Variants in SEC16A observed in about 807,000 individuals in gnomAD.
SEC16A encodes SEC16 homolog A, endoplasmic reticulum export factor.
A neutral mutation model predicts 221.9 loss-of-function variants in SEC16A; 110 were observed. The observed-to-expected ratio is 0.50, with a 90% CI of 0.42 to 0.58. SEC16A has a LOEUF of 0.58. SEC16A is among the 20% of genes least tolerant of loss of function. The pLI is 0.00. For synonymous variants in SEC16A, 1,393 were observed against 1,257.7 expected, an observed-to-expected ratio of 1.11 and a Z score of -2.28; for missense variants, 3,165 against 3,097.8, an observed-to-expected ratio of 1.02 and a Z score of -0.52.
rs772187659 is a variant in SEC16A, at chr9:136,475,612, G to A, written c.2004C>T (p.Thr668=). 20 of 1,613,550 alleles carry A rather than the reference G, an allele frequency of 1.2e-5. No individual in the cohort carries two copies. The highest frequency in any genetic ancestry group is 5.0e-5 in the Admixed American group (3 of 59,976). Reference sequence around the variant, plus strand: ...GGGGACAGACCTGGGGTGCACAGAGGGTCTCCATGTTGTCTGGTGGCTGCT... The same window carrying A: ...GGGGACAGACCTGGGGTGCACAGAGAGTCTCCATGTTGTCTGGTGGCTGCT... ...NLEQPPDNME[T]LCAPQVCPLP... is the part of the protein sequence containing the mutation. Residue 668 remains threonine, a synonymous_variant, in exon 3 of 32, where the codon ACC becomes ACT. Coordinates refer to ENST00000684901, the MANE Select transcript of SEC16A (RefSeq NM_014866.2). This position sits in a 1 kb window ranked among gnomAD's most constrained non-coding sequence, Gnocchi z 5.0.
intron 22 of SEC16A, among the ~76,000 whole-genome samples, chr9:136,452,324 G>A (rs535994039): frequency 2.4e-4 from 37 of 151,286 alleles, no homozygotes; most frequent in Middle Eastern, 3.4e-3. Flanking sequence ...GGTGGTGGGC[G>A]CCTGTAGTCC....
In SEC16A at chr9:136,475,139, G is replaced by A. The variant is rs1264167795; in HGVS notation, c.2477C>T (p.Pro826Leu). The A allele has an allele frequency of 6.2e-7, 1 of 1,613,830 alleles. No individual in the cohort carries two copies. The highest frequency in any genetic ancestry group is 1.7e-5 in the Admixed American group (1 of 59,996). ...ATCAGGCTGAGCAATCAAGACTGGA[G>A]GATTCTGCAGAGACTCAGTGGGCGG... Reference protein sequence around the residue: ...SSPPTESLQNPPVLIAQPDHS... With the variant: ...SSPPTESLQNLPVLIAQPDHS... The change falls in exon 3 of 32, where the codon CCT becomes CTT. Residue 826 changes from proline (P) to leucine (L), a missense_variant. By Grantham distance (98) the Pro-to-Leu change is moderately conservative. Transcript: ENST00000684901. The surrounding 1 kb of genome is among the most constrained non-coding windows in gnomAD (Gnocchi z 5.0).
chr9:136,475,354 C>A lies in SEC16A; in HGVS notation c.2262G>T (p.Gln754His). 1.2e-6 allele frequency: 2 copies of A among 1,609,570 alleles called. No individual in the cohort carries two copies. Among genetic ancestry groups the A allele is most frequent in the Non-Finnish European group, 8.5e-7 (1 of 1,176,922 alleles). ...CTTCTGGAGGCTGAACAACAGGTGG[C>A]TGAGGTTTTGCACACACATAAAGCG... is the stretch of plus-strand genomic sequence containing the variant. Reference protein sequence around the residue: ...APALYVCAKPQPPVVQPPEEA... With the variant: ...APALYVCAKPHPPVVQPPEEA... Residue 754 changes from glutamine to histidine, a missense_variant, in exon 3 of 32, where the codon CAG becomes CAT. Transcript: ENST00000684901. The surrounding 1 kb of genome is among the most constrained non-coding windows in gnomAD (Gnocchi z 5.0).
In SEC16A at chr9:136,448,332, G is replaced by A. The variant is rs143514586; in HGVS notation, c.6313-171C>T. The A allele has an allele frequency of 5.9e-3, 4,219 of 720,060 alleles. 150 individuals carry two copies. In the African/African-American group the frequency reaches 0.064, roughly 11 times the overall value. 44.6% of individuals were successfully genotyped at this position (720,060 alleles called of 1,614,324 possible). On this transcript the variant is annotated intron_variant, in intron 23 of 31. Transcript: ENST00000684901. Reference sequence around the variant, plus strand: ...AGCAGATCCACAGAGACACCAGGAGGATGGAGGTGGGGAGCAGATCCACAG... The same window carrying A: ...AGCAGATCCACAGAGACACCAGGAGAATGGAGGTGGGGAGCAGATCCACAG...
Position 136,463,129 on chromosome 9 carries a change from C to A in SEC16A, c.4651G>T (p.Val1551Leu). ...IVLLCRQNGT[V>L]VGTDIAELLL... is the part of the protein sequence containing the mutation. ...AGCTCCGCAATGTCGGTCCCTACCA[C>A]GGTCTGTTTGGGTCAACAGGAACAG... The change falls in exon 12 of 32, where the codon GTG (valine) becomes TTG (leucine). Residue 1551 changes from valine (V) to leucine (L), a missense_variant. Transcript: ENST00000684901. 6.2e-7 allele frequency: 1 copy of A among 1,609,286 alleles called. No homozygotes were observed. The highest frequency in any genetic ancestry group is 1.1e-5 in the South Asian group (1 of 91,086).
chr9:136,459,325 G>T lies in SEC16A; in HGVS notation c.5304-86C>A. The stretch of plus-strand genomic sequence containing the variant: ...CTTGGAGCAAATCATCCAGAAGTGT[G>T]TCCCACCACGTGACAAATAAAGACA... On this transcript the variant is annotated intron_variant, in intron 16 of 31. Coordinates refer to ENST00000684901, the MANE Select transcript of SEC16A (RefSeq NM_014866.2). This position sits in a 1 kb window ranked among gnomAD's most constrained non-coding sequence, Gnocchi z 6.1. The T allele has an allele frequency of 7.1e-7, 1 of 1,417,902 alleles. No individual in the cohort carries two copies. Among genetic ancestry groups the T allele is most frequent in the South Asian group, 1.2e-5 (1 of 82,272 alleles). 87.8% of individuals were successfully genotyped at this position (1,417,902 alleles called of 1,614,324 possible). A position where few individuals can be genotyped will look rare whatever the true frequency, so the allele number is the denominator to read the frequency against.
chr9:136,441,862 C>T, intron 31 of SEC16A, 39 bp from the exon 32 acceptor site: 2 of 1,575,098 alleles, frequency 1.3e-6, no homozygotes, highest in Non-Finnish European at 8.7e-7. Flanking sequence ...GCATGCCTGC[C>T]CCCAGGGTGA....
intron 4 of SEC16A, among the ~76,000 whole-genome samples, chr9:136,470,571 G>T (rs1840724625): frequency 6.6e-6 from 1 of 152,158 alleles, no homozygotes; most frequent in Non-Finnish European, 1.5e-5. Context: ...TCAAATCCTG[G>T]GAATTTTCTC....
In SEC16A at chr9:136,459,697, C is replaced by A. The variant is rs1313527809; in HGVS notation, c.5191+60G>T. On this transcript the variant is annotated intron_variant, in intron 15 of 31. Coordinates refer to ENST00000684901, the MANE Select transcript of SEC16A (RefSeq NM_014866.2). The surrounding 1 kb of genome is among the most constrained non-coding windows in gnomAD (Gnocchi z 6.1). The stretch of plus-strand genomic sequence containing the variant: ...TGGTGATTTCTGCCAACGCCACAGA[C>A]AACCGGGCCTTCGGCGCTCCATCCG... 2.8e-6 allele frequency: 4 copies of A among 1,452,202 alleles called. No homozygotes were observed. Among genetic ancestry groups the A allele is most frequent in the Non-Finnish European group, 3.8e-6 (4 of 1,058,060 alleles). 90.0% of individuals were successfully genotyped at this position (1,452,202 alleles called of 1,614,324 possible). A position where few individuals can be genotyped will look rare whatever the true frequency, so the allele number is the denominator to read the frequency against.
At position 136,477,672 on chromosome 9, in the gene SEC16A, T is replaced by C. The variant is rs1841828127; in HGVS notation, c.-57A>G. 1 of 1,492,782 alleles carries C rather than the reference T, an allele frequency of 6.7e-7. No individual in the cohort carries two copies. Among genetic ancestry groups the C allele is most frequent in the Admixed American group, 2.5e-5 (1 of 40,790 alleles). The allele number at this position is 1,492,782 out of a possible 1,614,324, so 92.5% of individuals were successfully genotyped here. ...ACAGAAGGAAGCAGGATATAGCTGT[T>C]CCTTAATTGGAGCTGGAAAAGAAAA... On this transcript the variant is annotated 5_prime_UTR_variant, in exon 3 of 32. Transcript: ENST00000684901.
chr9:136,463,241 ACCCGAAAGGCTG>A (rs1369493981), intron 11 of SEC16A, 109 bp from the exon 12 acceptor site: 15 of 1,465,638 alleles, frequency 1.0e-5, no homozygotes, highest in Non-Finnish European at 1.3e-5. Flanking sequence ...ACCCACAACT[ACCCGAAAGGCTG>A]GCAAGGCTGG....
chr9:136,458,115 C>T (rs572642007), intron 17 of SEC16A, among the ~76,000 whole-genome samples: 1 of 151,706 alleles, frequency 6.6e-6, no homozygotes, highest in African/African-American at 2.4e-5. Context: ...GCTGCCACGC[C>T]TGGCTAATTT....
In SEC16A at chr9:136,472,052, G is replaced by A. The variant is rs924126338; in HGVS notation, c.3627C>T (p.Tyr1209=). The A allele has an allele frequency of 1.7e-5, 27 of 1,613,306 alleles. 1 individual carries two copies. The African/African-American group carries it at 2.3e-4, about 14-fold the overall frequency. ...YRPYDGAASA[Y]AQNYRYPEPE... is the part of the protein sequence containing the mutation. The stretch of plus-strand genomic sequence containing the variant: ...GCTCGGGATAGCGGTAGTTCTGGGC[G>A]TAAGCAGACGCAGCACCATCATAGG... The change falls in exon 4 of 32, where the codon TAC becomes TAT. Residue 1209 remains tyrosine (Y), a synonymous_variant. Transcript: ENST00000684901.
At position 136,466,659 on chromosome 9, in the gene SEC16A, T is replaced by C. The variant is rs996799758; in HGVS notation, c.3930-197A>G. 6.6e-6 allele frequency among the ~76,000 whole-genome samples: 1 copy of C among 152,182 alleles called. No homozygotes were observed. The highest frequency in any genetic ancestry group is 2.4e-5 in the African/African-American group (1 of 41,438). On this transcript the variant is annotated intron_variant, in intron 6 of 31. Coordinates refer to ENST00000684901, the MANE Select transcript of SEC16A (RefSeq NM_014866.2). This position sits in a 1 kb window ranked among gnomAD's most constrained non-coding sequence, Gnocchi z 5.5. ...TGCGTCTCCAGTGTGGTCACTTCTC[T>C]GGGCTGCAGGGCGCGACCGGTAAGA...
Position 136,456,075 on chromosome 9 carries a change from T to C in SEC16A, c.5642A>G (p.Gln1881Arg), listed in dbSNP as rs771381458. The change falls in exon 19 of 32, where the codon CAG (glutamine) becomes CGG (arginine). Residue 1881 changes from glutamine (Q) to arginine (R), a missense_variant. By Grantham distance (43) the Gln-to-Arg change is conservative (BLOSUM62 1). This residue lies in a region of SEC16A where 1,088 missense variants were observed against 1,089.6 expected (regional missense o/e 1.00). Coordinates refer to ENST00000684901, the MANE Select transcript of SEC16A (RefSeq NM_014866.2). ...TACCTTAATCTGCCGCTCCACCTGC[T>C]GCAGGTGAACCAGCCACGTGGGTGC... is the stretch of plus-strand genomic sequence containing the variant. ...LAAPTWLVHL[Q>R]QVERQIKEGA... 5.6e-5 allele frequency: 91 copies of C among 1,612,720 alleles called. No individual in the cohort carries two copies. The highest frequency in any genetic ancestry group is 3.7e-4 in the Admixed American group (22 of 59,982).
At chr9:136,456,505 A>G (rs1231102419) in intron 18 of SEC16A, among the ~76,000 whole-genome samples, 4 of 152,138 alleles carry the variant, frequency 2.6e-5, no homozygotes, top group Non-Finnish European at 5.9e-5. Context: ...TTCATCGGGA[A>G]TTTGGGGGAT....
chr9:136,444,199 C>T lies in SEC16A; in HGVS notation c.6928-299G>A, dbSNP rs1323940681. ...CGAGGTGGTGAGGAGGTGCCCACGG[C>T]TGCAGCTCTAAGGCTCCAGCCATGA... On this transcript the variant is annotated intron_variant, in intron 30 of 31. Transcript: ENST00000684901. The T allele has an allele frequency of 3.9e-5, 9 of 229,228 alleles. No individual in the cohort carries two copies. The South Asian group carries it at 5.4e-4, about 14-fold the overall frequency. 14.2% of individuals were successfully genotyped at this position (229,228 alleles called of 1,614,324 possible).
At chr9:136,445,317 A>AG (rs1216697289) in intron 29 of SEC16A, among the ~76,000 whole-genome samples, 1 of 152,200 alleles carries the variant, frequency 6.6e-6, no homozygotes, top group Non-Finnish European at 1.5e-5. Context: ...AGCTTAGGGG[A>AG]GGGCTGGGAG....
chr9:136,473,318 A>G (rs1841144960), intron 3 of SEC16A, among the ~76,000 whole-genome samples: 1 of 152,256 alleles, frequency 6.6e-6, no homozygotes, highest in Non-Finnish European at 1.5e-5. Context: ...CGGTGAACCC[A>G]ATCGGTGTAT....
Sources: allele counts gnomAD v4.1 joint callset (sites outside exome capture counted in the v4.1 genomes callset), GRCh38; gene constraint gnomAD v4.1.1; regional missense constraint gnomAD v4.1.1; non-coding constraint Gnocchi (gnomAD v3.1); transcripts MANE v1.5; gene names NCBI Gene and HGNC (gene_info 2026-07-23, HGNC 2026-07-21).